The following IKZF5 variants were observed in gnomAD, a reference collection of about 807,000 sequenced individuals.
IKZF5 encodes zinc finger protein Pegasus.
Under a neutral mutation model 30.7 loss-of-function variants are expected in IKZF5, and 4 were observed. The observed-to-expected ratio is 0.13, with a 90% CI of 0.06 to 0.30. The LOEUF (loss-of-function observed/expected upper bound fraction) is 0.30. IKZF5 is among the 10% of genes least tolerant of loss of function. The pLI, the probability that IKZF5 is intolerant of heterozygous loss-of-function variation, is 1.00. For synonymous variants in IKZF5, 148 were observed against 179.6 expected (o/e 0.82, Z 1.41); for missense variants, 348 against 525.5 (o/e 0.66, Z 3.30).
rs1455556365 is a variant in IKZF5 at position 123,004,127 on chromosome 10, G to GA, written c.-47+2898dup. Among the ~76,000 whole-genome samples the GA allele has an allele frequency of 2.6e-5, 4 of 151,998 alleles. No individual in the cohort carries two copies. In the East Asian group the frequency reaches 7.7e-4, roughly 29 times the overall value. On this transcript the variant is annotated intron_variant, in intron 2 of 4. Coordinates refer to ENST00000368886, the MANE Select transcript of IKZF5 (RefSeq NM_001372123.1). ...AAAATGTAAGCTAGTCAGCTCCAGT[G>GA]AAAAAGACTATCAAGAATAAGATCT... is the stretch of plus-strand genomic sequence containing the variant.
chr10:122,991,277 C>G lies in IKZF5; in HGVS notation c.*2503G>C. 6.6e-6 allele frequency: 1 copy of G among 152,118 alleles called. No individual in the cohort carries two copies. The highest frequency in any genetic ancestry group is 3.2e-3 in the Middle Eastern group (1 of 316). 9.4% of individuals were successfully genotyped at this position (152,118 alleles called of 1,614,324 possible). A position where few individuals can be genotyped will look rare whatever the true frequency, so the allele number is the denominator to read the frequency against. ...AAGTTCAAGAAGTTGTAGCTACATA[C>G]TACATTAGTAAAATCTGAAATAAAA... On this transcript the variant is annotated 3_prime_UTR_variant, in exon 5 of 5. Transcript: ENST00000368886.
intron 2 of IKZF5, among the ~76,000 whole-genome samples, chr10:123,003,625 C>T (rs12771419): frequency 0.14 from 21,602 of 152,074 alleles, 1,646 homozygotes; most frequent in South Asian, 0.23. Context: ...CAGAAAATGG[C>T]GGCTATTTTT....
chr10:122,995,861 T>G (rs8192670), intron 4 of IKZF5, 133 bp downstream of exon 4: 63,628 of 784,640 alleles, frequency 0.081, 2,947 homozygotes, highest in Middle Eastern at 0.14. Flanking sequence ...TGGAGTAACT[T>G]TCCCATTTAT....
chr10:123,001,983 T>C (rs1163830177), intron 2 of IKZF5, among the ~76,000 whole-genome samples: 7 of 152,238 alleles, frequency 4.6e-5, no homozygotes, highest in African/African-American at 1.7e-4. Flanking sequence ...TATGAATTAT[T>C]GTACTTTACA....
intron 3 of IKZF5, 171 bp downstream of exon 3, chr10:122,998,322 C>T: frequency 1.9e-6 from 1 of 538,410 alleles, no homozygotes; most frequent in Non-Finnish European, 3.2e-6. Flanking sequence ...GTTAAGTACT[C>T]TCCAGCAGAA....
At chr10:122,995,540 G>GCTC (rs2133383145) in intron 4 of IKZF5, among the ~76,000 whole-genome samples, 1 of 152,130 alleles carries the variant, frequency 6.6e-6, no homozygotes, top group South Asian at 2.1e-4. Context: ...GTCTTGGGCA[G>GCTC]AGGGCAGATG....
intron 2 of IKZF5, among the ~76,000 whole-genome samples, chr10:123,003,501 T>A (rs1330084011): frequency 1.3e-5 from 2 of 152,192 alleles, no homozygotes; most frequent in Non-Finnish European, 2.9e-5. Context: ...TCTCTCAGCC[T>A]TAGTTTCCTA....
chr10:123,004,394 T>C (rs558664093), intron 2 of IKZF5, among the ~76,000 whole-genome samples: 2 of 118,530 alleles, frequency 1.7e-5, no homozygotes, highest in South Asian at 4.7e-4. Flanking sequence ...ATAACGTTGC[T>C]ACAGTACAAC....
chr10:122,998,714 A>C (rs916980330), intron 2 of IKZF5, 43 bp from the exon 3 acceptor site: 5 of 1,125,488 alleles, frequency 4.4e-6, no homozygotes, highest in Non-Finnish European at 6.4e-6. Context: ...AGTACATAGC[A>C]AACAAATGAC....
chr10:122,992,309 C>T lies in IKZF5; in HGVS notation c.*1471G>A, dbSNP rs1002134706. ...GTGGGTACATACCACCAATATTTCC[C>T]TTTCCTTTACTATTAGAGTTCTTTT... On this transcript the variant is annotated 3_prime_UTR_variant, in exon 5 of 5. Transcript: ENST00000368886. The T allele has an allele frequency of 1.3e-5, 2 of 152,188 alleles. No individual in the cohort carries two copies. The highest frequency in any genetic ancestry group is 4.8e-5 in the African/African-American group (2 of 41,446). 9.4% of individuals were successfully genotyped at this position (152,188 alleles called of 1,614,324 possible).
rs186243073 is a variant in IKZF5, at chr10:122,992,213, C to T, written c.*1567G>A. Reference sequence around the variant, plus strand: ...TAGACTGGATGCTAAACTGCAAGAACTCATTACAGTGGCTTTCTAGCATCT... The same window carrying T: ...TAGACTGGATGCTAAACTGCAAGAATTCATTACAGTGGCTTTCTAGCATCT... On this transcript the variant is annotated 3_prime_UTR_variant, in exon 5 of 5. Transcript: ENST00000368886. 1 of 152,348 alleles carries T rather than the reference C, an allele frequency of 6.6e-6. No homozygotes were observed. Among genetic ancestry groups the T allele is most frequent in the Non-Finnish European group, 1.5e-5 (1 of 68,020 alleles). 9.4% of individuals were successfully genotyped at this position (152,348 alleles called of 1,614,324 possible).
At chr10:123,007,605 A>G (rs1439929341) in intron 1 of IKZF5, among the ~76,000 whole-genome samples, 1 of 152,162 alleles carries the variant, frequency 6.6e-6, no homozygotes, top group Admixed American at 6.5e-5. Context: ...AAAACAAAAA[A>G]AACATGCACA....
intron 2 of IKZF5, among the ~76,000 whole-genome samples, chr10:123,004,834 A>T (rs932411260): frequency 1.3e-5 from 2 of 152,180 alleles, no homozygotes; most frequent in African/African-American, 4.8e-5. Context: ...CCATATATCC[A>T]TATACACAGG....
intron 1 of IKZF5, 113 bp from the exon 2 acceptor site, chr10:123,007,289 G>C (rs539710452): frequency 3.3e-5 from 5 of 152,284 alleles, no homozygotes; most frequent in Admixed American, 6.5e-5. Flanking sequence ...CATTACATTA[G>C]CTGAAAAGAA....
intron 1 of IKZF5, 105 bp downstream of exon 1, chr10:123,008,589 G>C (rs1298350947): frequency 6.9e-6 from 2 of 290,334 alleles, no homozygotes; most frequent in Non-Finnish European, 1.4e-5. Context: ...TCTCCGTCCG[G>C]ATCAGCCGGC....
At chr10:123,004,629 T>TA (rs34085831) in intron 2 of IKZF5, among the ~76,000 whole-genome samples, 108,420 of 145,868 alleles carry the variant, frequency 0.74, 40,719 homozygotes, top group Non-Finnish European at 0.83. Flanking sequence ...ATGATAAACT[T>TA]AAAAAAAAAA....
rs1416049734 is a variant in IKZF5, at chr10:122,992,360, C to T, written c.*1420G>A. 1 of 152,162 alleles carries T rather than the reference C, an allele frequency of 6.6e-6. No homozygotes were observed. The highest frequency in any genetic ancestry group is 1.5e-5 in the Non-Finnish European group (1 of 68,030). 9.4% of individuals were successfully genotyped at this position (152,162 alleles called of 1,614,324 possible). On this transcript the variant is annotated 3_prime_UTR_variant, in exon 5 of 5. Coordinates refer to ENST00000368886, the MANE Select transcript of IKZF5 (RefSeq NM_001372123.1). ...TTGGTTAATAGATGCTTACTATTCT[C>T]TTTAAGATGCCAATTAGGGGCACAT...
At position 122,996,173 on chromosome 10, in the gene IKZF5, C is replaced by T. The variant is rs1232694368; in HGVS notation, c.137G>A (p.Gly46Glu). 6.2e-7 allele frequency: 1 copy of T among 1,612,284 alleles called. No homozygotes were observed. Among genetic ancestry groups the T allele is most frequent in the Admixed American group, 1.7e-5 (1 of 60,022 alleles). The change falls in exon 4 of 5, where the codon GGA becomes GAA. Residue 46 changes from glycine (G) to glutamate (E), a missense_variant. Coordinates refer to ENST00000368886, the MANE Select transcript of IKZF5 (RefSeq NM_001372123.1). ...AAGTCCATTTTGATCACCATCTGTT[C>T]CAGCTATAAACAAAGTACCGCAAAA... Reference protein sequence around the residue: ...DKEAEALQGAGTDGDQNGLDH... With the variant: ...DKEAEALQGAETDGDQNGLDH...
At chr10:123,003,702 CCT>C (rs1192425631) in intron 2 of IKZF5, among the ~76,000 whole-genome samples, 2 of 152,158 alleles carry the variant, frequency 1.3e-5, no homozygotes, top group Admixed American at 6.5e-5. Flanking sequence ...TCTCACCACC[CCT>C]GATTCCGTTA....
Sources: gnomAD v4.1 joint callset for allele counts (sites outside exome capture counted in the v4.1 genomes callset) on GRCh38, gnomAD v4.1.1 for gene constraint, MANE v1.5 for transcripts, NCBI Gene and HGNC (gene_info 2026-07-23, HGNC 2026-07-21) for gene names.